FMN2: variants seen among roughly 807,000 people sequenced by gnomAD.
FMN2 encodes the protein formin 2.
In FMN2, 51 loss-of-function variants were observed where a neutral mutation model predicts 142.3. That is an observed-to-expected ratio of 0.36 (90% CI 0.29 to 0.45). The LOEUF is 0.45. FMN2 is among the 20% of genes least tolerant of loss of function. The pLI is 1.00. For synonymous variants in FMN2, 882 were observed against 869.8 expected (o/e 1.01, Z -0.25); for missense variants, 1,936 against 2,122.8 (o/e 0.91, Z 1.73).
intron 2 of FMN2, among the ~76,000 whole-genome samples, chr1:240,159,482 G>A (rs908473160): frequency 2.6e-5 from 4 of 152,090 alleles, no homozygotes; most frequent in Non-Finnish European, 4.4e-5. Flanking sequence ...TGGTTATGGA[G>A]TTCAAAATGG....
intron 4 of FMN2, among the ~76,000 whole-genome samples, chr1:240,206,547 A>G (rs1454988029): frequency 6.6e-6 from 1 of 152,094 alleles, no homozygotes; most frequent in Non-Finnish European, 1.5e-5. Context: ...TCAGTGGTCT[A>G]TTTGTCCTCA....
At position 240,474,817 on chromosome 1, in the gene FMN2, C is replaced by T. The variant is rs532901510; in HGVS notation, c.*663C>T. 2.0e-5 allele frequency: 3 copies of T among 152,426 alleles called. No individual in the cohort carries two copies. The highest frequency in any genetic ancestry group is 2.1e-4 in the South Asian group (1 of 4,812). 9.4% of individuals were successfully genotyped at this position (152,426 alleles called of 1,614,324 possible). ...TTTTTCCATTACTTTTAATGATCTTCGTTGCAAGTTATAGTTGTGGATAAA... is the reference window on the plus strand; with the variant it reads ...TTTTTCCATTACTTTTAATGATCTTTGTTGCAAGTTATAGTTGTGGATAAA... On this transcript the variant is annotated 3_prime_UTR_variant, in exon 18 of 18. Transcript: ENST00000319653.
chr1:240,181,171 A>G (rs545463091), intron 3 of FMN2, among the ~76,000 whole-genome samples: 2 of 151,412 alleles, frequency 1.3e-5, no homozygotes, highest in African/African-American at 4.8e-5. Context: ...TGCCCAGCTA[A>G]TTTTTGTATT....
chr1:240,156,002 C>T (rs1664010342), intron 2 of FMN2, among the ~76,000 whole-genome samples: 1 of 151,598 alleles, frequency 6.6e-6, no homozygotes, highest in East Asian at 1.9e-4. Context: ...ACTTTAGGAG[C>T]CTGAGGCAGG....
chr1:240,261,478 C>T (rs1299863835), intron 7 of FMN2, among the ~76,000 whole-genome samples: 1 of 151,922 alleles, frequency 6.6e-6, no homozygotes, highest in Non-Finnish European at 1.5e-5. Context: ...CATTTTCTCT[C>T]CTTCTTTGCT....
At chr1:240,335,852 A>G (rs1220119888) in intron 13 of FMN2, among the ~76,000 whole-genome samples, 1 of 152,178 alleles carries the variant, frequency 6.6e-6, no homozygotes, top group African/African-American at 2.4e-5. Context: ...TTTGAAAAGG[A>G]CAAGCAGCCG....
chr1:240,147,147 G>A (rs1304215022), intron 2 of FMN2, among the ~76,000 whole-genome samples: 1 of 152,120 alleles, frequency 6.6e-6, no homozygotes, highest in Non-Finnish European at 1.5e-5. Context: ...CAAGCACTGT[G>A]CTAAGTACTT....
At chr1:240,185,756 C>A (rs1332066769) in intron 3 of FMN2, among the ~76,000 whole-genome samples, 3 of 152,166 alleles carry the variant, frequency 2.0e-5, no homozygotes. Flanking sequence ...GCTCTTGTGG[C>A]ACGATCTAAA....
chr1:240,328,147 C>CAAAAAAAAAAAAA lies in FMN2; in HGVS notation c.4216-916_4216-904dup, dbSNP rs780595882. On this transcript the variant is annotated intron_variant, in intron 8 of 17. Coordinates refer to ENST00000319653, the MANE Select transcript of FMN2 (RefSeq NM_020066.5). ...TGGGTGACGGAGCAAGACCCCATCT[C>CAAAAAAAAAAAAA]AAAAAAAAAAAAAAAAAAAAAAAAA... Among the ~76,000 whole-genome samples, 30 of 51,426 alleles carry CAAAAAAAAAAAAA rather than the reference C, an allele frequency of 5.8e-4. 1 individual carries two copies. Among genetic ancestry groups the CAAAAAAAAAAAAA allele is most frequent in the African/African-American group, 1.5e-3 (20 of 13,328 alleles). 33.7% of individuals were successfully genotyped at this position (51,426 alleles called of 152,430 possible).
chr1:240,330,819 T>C (rs1177261070), intron 11 of FMN2, 70 bp downstream of exon 11: 2 of 1,531,414 alleles, frequency 1.3e-6, no homozygotes, highest in Non-Finnish European at 1.8e-6. Context: ...TGGGTTTGAA[T>C]GTAAAGCAGT....
intron 3 of FMN2, chr1:240,180,053 A>G: frequency 4.5e-6 from 2 of 443,656 alleles, no homozygotes; most frequent in Non-Finnish European, 3.8e-6. Flanking sequence ...TGGAATTGAT[A>G]CCAGGAAGTT....
intron 1 of FMN2, 93 bp downstream of exon 1, chr1:240,093,817 G>A: frequency 2.3e-6 from 2 of 888,762 alleles, no homozygotes; most frequent in Non-Finnish European, 3.0e-6. Flanking sequence ...TCTGGAAGGC[G>A]GTGACCTGGT....
intron 2 of FMN2, among the ~76,000 whole-genome samples, chr1:240,148,129 G>A (rs1238976882): frequency 6.6e-6 from 1 of 152,186 alleles, no homozygotes; most frequent in Admixed American, 6.5e-5. Context: ...AACTTCTTGT[G>A]TGTAACTGAG....
At chr1:240,219,420 C>A (rs571469226) in intron 6 of FMN2, among the ~76,000 whole-genome samples, 1 of 152,138 alleles carries the variant, frequency 6.6e-6, no homozygotes, top group East Asian at 1.9e-4. Flanking sequence ...TTTTGTCTAC[C>A]AGAAGGGATG....
intron 14 of FMN2, among the ~76,000 whole-genome samples, chr1:240,384,165 G>C (rs1281172260): frequency 6.6e-6 from 1 of 152,048 alleles, no homozygotes; most frequent in South Asian, 2.1e-4. Flanking sequence ...AGAGGAAGAG[G>C]AGGGAAGGGT....
chr1:240,248,778 A>G (rs1015924609), intron 6 of FMN2, among the ~76,000 whole-genome samples: 9 of 152,038 alleles, frequency 5.9e-5, no homozygotes, highest in African/African-American at 2.2e-4. Flanking sequence ...GTAAGATAAT[A>G]TCTCATTGTG....
Position 240,230,867 on chromosome 1 carries a change from G to T in FMN2, c.4065+19632G>T, listed in dbSNP as rs142261410. 2.6e-3 allele frequency among the ~76,000 whole-genome samples: 338 copies of T among 131,894 alleles called. 90 individuals are homozygous for T. The highest frequency in any genetic ancestry group is 0.01 in the African/African-American group (316 of 30,894). 86.5% of individuals were successfully genotyped at this position (131,894 alleles called of 152,430 possible). ...AACTAGCATGTTCTTCATGCTAGAA[G>T]CTAGAATCTGAGTTGAAATCCACTT... On this transcript the variant is annotated intron_variant, in intron 6 of 17. Coordinates refer to ENST00000319653, the MANE Select transcript of FMN2 (RefSeq NM_020066.5).
At position 240,192,059 on chromosome 1, in the gene FMN2, G is replaced by GA. The variant is rs1429242603; in HGVS notation, c.1986+3802dup. ...TATGCAAATAAATTCTCAAGTGTCA[G>GA]AAAAACGCTTTGCTCTGATCAGCCC... On this transcript the variant is annotated intron_variant, in intron 4 of 17. Coordinates refer to ENST00000319653, the MANE Select transcript of FMN2 (RefSeq NM_020066.5). Among the ~76,000 whole-genome samples the GA allele has an allele frequency of 2.0e-5, 3 of 152,196 alleles. No individual in the cohort carries two copies. In the South Asian group the frequency reaches 6.2e-4, roughly 31 times the overall value.
chr1:240,407,193 A>G (rs1257274193), intron 15 of FMN2, among the ~76,000 whole-genome samples: 2 of 151,270 alleles, frequency 1.3e-5, no homozygotes, highest in African/African-American at 4.9e-5. Flanking sequence ...GCTGGAGTTC[A>G]GTGGTGCGAT....
Sources: gnomAD v4.1 joint callset for allele counts (sites outside exome capture counted in the v4.1 genomes callset) on GRCh38, gnomAD v4.1.1 for gene constraint, MANE v1.5 for transcripts, NCBI Gene and HGNC (gene_info 2026-07-23, HGNC 2026-07-21) for gene names.